SAMTOR: variants seen among roughly 807,000 people sequenced by gnomAD.
SAMTOR encodes UPF0532 protein C7orf60.
chr7:112,902,440 A>C, the SAMTOR span, among the ~76,000 whole-genome samples: 1 of 75,818 alleles, frequency 1.3e-5, no homozygotes, highest in Non-Finnish European at 2.4e-5. Context: ...AAAAAAAAAC[A>C]AAAAAAAACA....
the SAMTOR span, among the ~76,000 whole-genome samples, chr7:112,916,902 C>T: frequency 1.3e-5 from 2 of 152,222 alleles, no homozygotes; most frequent in African/African-American, 4.8e-5. Context: ...GGGGCGCCCG[C>T]CATTGCCCAG....
At chr7:112,875,120 A>G in the SAMTOR span, among the ~76,000 whole-genome samples, 1 of 152,196 alleles carries the variant, frequency 6.6e-6, no homozygotes, top group African/African-American at 2.4e-5. Flanking sequence ...GCAAGATCCA[A>G]TCACATCTCA....
chr7:112,902,427 AACAAAAAAAAACAAAAAAAAAC>A, the SAMTOR span, among the ~76,000 whole-genome samples: 32 of 93,760 alleles, frequency 3.4e-4, 6 homozygotes, highest in East Asian at 7.1e-3. Context: ...AAAAAAAAAA[AACAAAAAAAAACAAAAAAAAAC>A]AAAAAAAAAA....
At chr7:112,871,423 T>C in the SAMTOR span, among the ~76,000 whole-genome samples, 54 of 152,248 alleles carry the variant, frequency 3.5e-4, no homozygotes, top group African/African-American at 1.3e-3. Context: ...TGAATGACTT[T>C]TGGGTAAACA....
At chr7:112,921,640 T>C in the SAMTOR span, among the ~76,000 whole-genome samples, 1 of 146,906 alleles carries the variant, frequency 6.8e-6, no homozygotes, top group African/African-American at 2.6e-5. Flanking sequence ...CAAAAGAAAC[T>C]ACCATCAGAG....
At chr7:112,882,689 A>C in the SAMTOR span, among the ~76,000 whole-genome samples, 1 of 151,738 alleles carries the variant, frequency 6.6e-6, no homozygotes, top group Non-Finnish European at 1.5e-5. Context: ...CTCTGTCTTG[A>C]AAAACAACCA....
the SAMTOR span, among the ~76,000 whole-genome samples, chr7:112,843,881 A>C: frequency 3.9e-5 from 6 of 152,152 alleles, no homozygotes; most frequent in African/African-American, 1.4e-4. Flanking sequence ...AATCCTCAAC[A>C]AAATACTTGC....
chr7:112,821,987 G>A, the SAMTOR span: 4 of 1,613,378 alleles, frequency 2.5e-6, no homozygotes, highest in Non-Finnish European at 3.4e-6. Flanking sequence ...AGTCACTTGT[G>A]GTTTTTAGAG....
At chr7:112,866,835 CA>C in the SAMTOR span, among the ~76,000 whole-genome samples, 1 of 152,220 alleles carries the variant, frequency 6.6e-6, no homozygotes, top group Non-Finnish European at 1.5e-5. Context: ...TTCCAATTAG[CA>C]GCAGACTTCA....
the SAMTOR span, among the ~76,000 whole-genome samples, chr7:112,875,301 G>A: frequency 3.1e-3 from 473 of 152,254 alleles, 2 homozygotes; most frequent in African/African-American, 0.011. Context: ...CACGGGTTGT[G>A]TGAGTAACAT....
At chr7:112,911,240 C>T in the SAMTOR span, among the ~76,000 whole-genome samples, 10 of 152,164 alleles carry the variant, frequency 6.6e-5, no homozygotes, top group South Asian at 4.2e-4. Context: ...CTGGTGGCTG[C>T]GAGTGGAACT....
the SAMTOR span, among the ~76,000 whole-genome samples, chr7:112,928,407 T>C: frequency 6.6e-6 from 1 of 151,986 alleles, no homozygotes; most frequent in East Asian, 1.9e-4. Context: ...ACTTCCCTCA[T>C]CTGCCATCCT....
the SAMTOR span, among the ~76,000 whole-genome samples, chr7:112,825,877 G>T: frequency 6.7e-6 from 1 of 150,172 alleles, no homozygotes; most frequent in African/African-American, 2.5e-5. Context: ...TTTAAATCAG[G>T]AAAGTCCAGA....
At chr7:112,850,710 G>A in the SAMTOR span, among the ~76,000 whole-genome samples, 1 of 152,126 alleles carries the variant, frequency 6.6e-6, no homozygotes, top group African/African-American at 2.4e-5. Context: ...AAGACTCAAG[G>A]CATCTCTGAT....
the SAMTOR span, among the ~76,000 whole-genome samples, chr7:112,863,185 A>C: frequency 6.6e-6 from 1 of 152,338 alleles, no homozygotes; most frequent in Admixed American, 6.5e-5. Flanking sequence ...GCAATGGAGA[A>C]AGAATTCTCT....
chr7:112,878,396 T>C, the SAMTOR span, among the ~76,000 whole-genome samples: 5 of 152,186 alleles, frequency 3.3e-5, no homozygotes, highest in Non-Finnish European at 7.3e-5. Flanking sequence ...AAAAATTCTT[T>C]GCATTCACAG....
chr7:112,876,849 G>A, the SAMTOR span, among the ~76,000 whole-genome samples: 11 of 152,194 alleles, frequency 7.2e-5, 1 homozygote, highest in East Asian at 1.7e-3. Flanking sequence ...GTACTTATAC[G>A]TCTTTGTTAA....
the SAMTOR span, among the ~76,000 whole-genome samples, chr7:112,845,626 A>G: frequency 6.6e-6 from 1 of 152,192 alleles, no homozygotes; most frequent in African/African-American, 2.4e-5. Context: ...ATGCTTATAC[A>G]CTGCTAGTGG....
chr7:112,880,737 T>A, the SAMTOR span, among the ~76,000 whole-genome samples: 1 of 152,218 alleles, frequency 6.6e-6, no homozygotes, highest in Non-Finnish European at 1.5e-5. Flanking sequence ...TTTCAATATA[T>A]TTGTATATAT....
Sources: allele counts gnomAD v4.1 joint callset (sites outside exome capture counted in the v4.1 genomes callset), GRCh38; gene constraint gnomAD v4.1.1; transcripts MANE v1.5; gene names NCBI Gene and HGNC (gene_info 2026-07-23, HGNC 2026-07-21).